HECTD4: variants seen among roughly 807,000 people sequenced by gnomAD.
HECTD4 encodes the protein probable E3 ubiquitin-protein ligase HECTD4.
Under a neutral mutation model 471.5 loss-of-function variants are expected in HECTD4, and 114 were observed. That is an observed-to-expected ratio of 0.24 (90% CI 0.21 to 0.28). The LOEUF is 0.28. Ranked by LOEUF, HECTD4 falls within the 10% of genes least tolerant of loss-of-function variation. HECTD4 has a pLI of 1.00. For synonymous variants in HECTD4, 2,012 were observed against 2,256.0 expected, an observed-to-expected ratio of 0.89 and a Z score of 3.07; for missense variants, 3,866 against 5,651.5, an observed-to-expected ratio of 0.68 and a Z score of 10.13.
chr12:112,336,388 T>G (rs1177698163), intron 1 of HECTD4, among the ~76,000 whole-genome samples: 1 of 151,954 alleles, frequency 6.6e-6, no homozygotes, highest in African/African-American at 2.4e-5. Context: ...CTGGGCATGG[T>G]GGCAGGCACC....
At chr12:112,332,281 C>T (rs1041345755) in intron 1 of HECTD4, among the ~76,000 whole-genome samples, 40 of 152,068 alleles carry the variant, frequency 2.6e-4, no homozygotes, top group African/African-American at 9.4e-4. Context: ...ACCTATAATC[C>T]CAGCACTTTC....
chr12:112,297,177 GTGTAGGTGCAGTGAA>G (rs1325611830), intron 7 of HECTD4, among the ~76,000 whole-genome samples: 1 of 151,680 alleles, frequency 6.6e-6, no homozygotes, highest in African/African-American at 2.4e-5. Flanking sequence ...GGTGCAGAGG[GTGTAGGTGCAGTGAA>G]TGTAGGTGCA....
At position 112,185,093 on chromosome 12, in the gene HECTD4, C is replaced by T. The variant is rs773525276; in HGVS notation, c.9873G>A (p.Ser3291=). ...TSATAPNLSD[S]SSSSSSSPGQ... Reference sequence around the variant, plus strand: ...CTGGGGAGGACGAGGAGGAGGAGGACGAGTCACTGAGATTTGGGGCGGTCG... The same window carrying T: ...CTGGGGAGGACGAGGAGGAGGAGGATGAGTCACTGAGATTTGGGGCGGTCG... Residue 3291 remains serine (S), a synonymous_variant, in exon 61 of 76, where the codon TCG becomes TCA. Transcript: ENST00000682272. 3.8e-6 allele frequency: 6 copies of T among 1,572,898 alleles called. No individual in the cohort carries two copies. The highest frequency in any genetic ancestry group is 1.9e-5 in the Admixed American group (1 of 53,030).
chr12:112,237,649 C>T (rs1211765793), intron 34 of HECTD4, among the ~76,000 whole-genome samples: 1 of 152,172 alleles, frequency 6.6e-6, no homozygotes, highest in Non-Finnish European at 1.5e-5. Flanking sequence ...ATCCCTAGCA[C>T]AGCTGGTCTC....
At chr12:112,346,093 G>C (rs1415402814) in intron 1 of HECTD4, among the ~76,000 whole-genome samples, 3 of 152,196 alleles carry the variant, frequency 2.0e-5, no homozygotes, top group Non-Finnish European at 4.4e-5. Flanking sequence ...TAGCTAAGGA[G>C]TGCGACTGCC....
chr12:112,351,006 C>T (rs1202108800), intron 1 of HECTD4, among the ~76,000 whole-genome samples: 1 of 152,174 alleles, frequency 6.6e-6, no homozygotes, highest in Non-Finnish European at 1.5e-5. Flanking sequence ...TGGCAGCATA[C>T]ATCATCACTT....
At chr12:112,200,838 T>C in intron 54 of HECTD4, 40 bp from the exon 55 acceptor site, 3 of 1,595,044 alleles carry the variant, frequency 1.9e-6, no homozygotes, top group Non-Finnish European at 2.6e-6. Flanking sequence ...TGCTGTTTGC[T>C]TTTGTTTTCC....
intron 21 of HECTD4, among the ~76,000 whole-genome samples, chr12:112,255,003 C>A (rs777490679): frequency 6.6e-6 from 1 of 152,176 alleles, no homozygotes; most frequent in Non-Finnish European, 1.5e-5. Context: ...CTTATTATTT[C>A]GTGATTTCTT....
chr12:112,272,213 A>C (rs1403704217), intron 11 of HECTD4, among the ~76,000 whole-genome samples: 1 of 152,016 alleles, frequency 6.6e-6, no homozygotes, highest in Non-Finnish European at 1.5e-5. Context: ...ACACCCAGCT[A>C]ACTTTTTTGT....
intron 69 of HECTD4, 60 bp from the exon 70 acceptor site, chr12:112,169,718 TGAG>T: frequency 6.3e-7 from 1 of 1,594,574 alleles, no homozygotes; most frequent in Non-Finnish European, 8.6e-7. Flanking sequence ...CCCCTCCCCT[TGAG>T]GACAGACCCT....
rs1471489314 is a variant in HECTD4 at position 112,382,196 on chromosome 12, G to A, written c.-68C>T. ...CGGGGGAAACGGAGCAGGAGCCGCC[G>A]CGATCACCAGTCCATGGCAGCGGCC... is the stretch of plus-strand genomic sequence containing the variant. On this transcript the variant is annotated 5_prime_UTR_variant, in exon 1 of 76. Coordinates refer to ENST00000682272, the MANE Select transcript of HECTD4 (RefSeq NM_001388303.1). 5 of 1,168,474 alleles carry A rather than the reference G, an allele frequency of 4.3e-6. No individual in the cohort carries two copies. In the East Asian group the frequency reaches 1.0e-4, roughly 24 times the overall value. 72.4% of individuals were successfully genotyped at this position (1,168,474 alleles called of 1,614,324 possible).
chr12:112,164,361 G>A (rs886473893), intron 72 of HECTD4, 86 bp from the exon 73 acceptor site: 75 of 1,419,786 alleles, frequency 5.3e-5, no homozygotes, highest in Admixed American at 5.0e-4. Flanking sequence ...AACCCCAAGC[G>A]CAGCTGGTGG....
chr12:112,275,139 C>T (rs1482281989), intron 9 of HECTD4, among the ~76,000 whole-genome samples, 179 bp from the exon 10 acceptor site: 1 of 152,160 alleles, frequency 6.6e-6, no homozygotes, highest in Non-Finnish European at 1.5e-5. Context: ...AGAAAACTGT[C>T]ACCACCAGAA....
intron 37 of HECTD4, among the ~76,000 whole-genome samples, chr12:112,234,532 C>T (rs1175399136): frequency 6.6e-6 from 1 of 152,182 alleles, no homozygotes; most frequent in African/African-American, 2.4e-5. Flanking sequence ...CTTCCTGTTG[C>T]CCTGGATCCC....
chr12:112,243,850 C>G lies in HECTD4; in HGVS notation c.4649+24G>C, dbSNP rs1428620079. On this transcript the variant is annotated intron_variant, in intron 30 of 75. Transcript: ENST00000682272. The surrounding 1 kb of genome is among the most constrained non-coding windows in gnomAD (Gnocchi z 6.6). ...ATGCATTCAGCTGCATGTGGGAACCCAACCCCGGCCATTAGCCATTTACCT... is the reference window on the plus strand; with the variant it reads ...ATGCATTCAGCTGCATGTGGGAACCGAACCCCGGCCATTAGCCATTTACCT... 4 of 1,612,628 alleles carry G rather than the reference C, an allele frequency of 2.5e-6. No individual in the cohort carries two copies. Among genetic ancestry groups the G allele is most frequent in the Non-Finnish European group, 3.4e-6 (4 of 1,178,814 alleles).
chr12:112,249,828 A>C (rs1442720763), intron 25 of HECTD4: 3 of 366,030 alleles, frequency 8.2e-6, no homozygotes, highest in African/African-American at 6.3e-5. Context: ...ACACTTTAGC[A>C]TGCATCAGTC....
intron 45 of HECTD4, among the ~76,000 whole-genome samples, chr12:112,219,135 A>G (rs1489356262): frequency 1.3e-5 from 2 of 152,194 alleles, no homozygotes; most frequent in East Asian, 1.9e-4. Context: ...TGACAGCACA[A>G]AGAAGCTATT....
intron 34 of HECTD4, among the ~76,000 whole-genome samples, chr12:112,238,611 T>C (rs1371945742): frequency 6.6e-6 from 1 of 152,114 alleles, no homozygotes; most frequent in African/African-American, 2.4e-5. Flanking sequence ...GCGCCTATAG[T>C]CCTACTTGGG....
rs141673119 is a variant in HECTD4 at position 112,194,714 on chromosome 12, G to A, written c.8749+171C>T. ...AAGTGAGTAATCCATTACATTTTTC[G>A]AAGAGTGAGAAAGCCCTGCCAGGAG... On this transcript the variant is annotated intron_variant, in intron 56 of 75. Transcript: ENST00000682272. This position sits in a 1 kb window ranked among gnomAD's most constrained non-coding sequence, Gnocchi z 4.6. 1.3e-5 allele frequency among the ~76,000 whole-genome samples: 2 copies of A among 152,256 alleles called. No homozygotes were observed. The highest frequency in any genetic ancestry group is 4.8e-5 in the African/African-American group (2 of 41,544).
Sources: gnomAD v4.1 joint callset for allele counts (sites outside exome capture counted in the v4.1 genomes callset) on GRCh38, gnomAD v4.1.1 for gene constraint, Gnocchi (gnomAD v3.1) non-coding constraint, MANE v1.5 for transcripts, NCBI Gene and HGNC (gene_info 2026-07-23, HGNC 2026-07-21) for gene names.